Variants in CA12 observed in about 807,000 individuals in gnomAD.
CA12 encodes carbonate dehydratase XII.
A neutral mutation model predicts 46.8 loss-of-function variants in CA12; 36 were observed. That is an observed-to-expected ratio of 0.77 (90% CI 0.59 to 1.02). The LOEUF (loss-of-function observed/expected upper bound fraction) is 1.02, where lower values mean the gene tolerates loss of function less well. Ranked by LOEUF, CA12 falls within the 50% of genes least tolerant of loss-of-function variation. CA12 has a pLI of 0.00. For synonymous variants in CA12, 202 were observed against 187.0 expected (o/e 1.08, Z -0.65); for missense variants, 436 against 451.4 (o/e 0.97, Z 0.31).
Position 63,341,469 on chromosome 15 carries a change from C to T in CA12, c.525+533G>A, listed in dbSNP as rs1350876096. Among the ~76,000 whole-genome samples, 4 of 152,348 alleles carry T rather than the reference C, an allele frequency of 2.6e-5. No homozygotes were observed. The highest frequency in any genetic ancestry group is 1.3e-4 in the Admixed American group (2 of 15,306). Reference sequence around the variant, plus strand: ...AGGGATCTAGGCTGTGTATTCCTTACGGAATCTAACTAATGCTTGATGATC... The same window carrying T: ...AGGGATCTAGGCTGTGTATTCCTTATGGAATCTAACTAATGCTTGATGATC... On this transcript the variant is annotated intron_variant, in intron 5 of 10. Transcript: ENST00000178638. This position sits in a 1 kb window ranked among gnomAD's most constrained non-coding sequence, Gnocchi z 5.2.
intron 4 of CA12, among the ~76,000 whole-genome samples, chr15:63,343,042 C>T (rs2039101703): frequency 6.6e-6 from 1 of 152,138 alleles, no homozygotes. Flanking sequence ...TCACCATCTT[C>T]CCCTCAAAGG....
At chr15:63,363,666 T>G (rs543896244) in intron 2 of CA12, among the ~76,000 whole-genome samples, 11 of 152,368 alleles carry the variant, frequency 7.2e-5, no homozygotes, top group Non-Finnish European at 1.5e-4. Flanking sequence ...AATCAGCCTT[T>G]GCAGGAAAGC....
intron 4 of CA12, 56 bp from the exon 5 acceptor site, chr15:63,342,153 G>A (rs1263379618): frequency 1.2e-5 from 14 of 1,161,254 alleles, no homozygotes; most frequent in Non-Finnish European, 1.8e-5. Context: ...GGAGCCTGTC[G>A]CTTCTGCAGA....
At chr15:63,335,984 A>AGGGAG (rs1465518226) in intron 8 of CA12, among the ~76,000 whole-genome samples, 7 of 151,586 alleles carry the variant, frequency 4.6e-5, no homozygotes, top group Non-Finnish European at 5.9e-5. Context: ...GGGAAGTGAA[A>AGGGAG]GGGAGGGGAG....
chr15:63,341,870 C>G lies in CA12; in HGVS notation c.525+132G>C, dbSNP rs1055929962. ...GAAGGTGCACTACAGGAGGATACCC[C>G]CTGCTCTGGAGTTGACACGGAGTCG... is the stretch of plus-strand genomic sequence containing the variant. On this transcript the variant is annotated intron_variant, in intron 5 of 10. Coordinates refer to ENST00000178638, the MANE Select transcript of CA12 (RefSeq NM_001218.5). This position sits in a 1 kb window ranked among gnomAD's most constrained non-coding sequence, Gnocchi z 5.2. 16 of 714,320 alleles carry G rather than the reference C, an allele frequency of 2.2e-5. No homozygotes were observed. The highest frequency in any genetic ancestry group is 1.3e-5 in the Non-Finnish European group (5 of 393,102). 44.2% of individuals were successfully genotyped at this position (714,320 alleles called of 1,614,324 possible). A position where few individuals can be genotyped will look rare whatever the true frequency, so the allele number is the denominator to read the frequency against.
chr15:63,348,588 GC>G lies in CA12; in HGVS notation c.107-1880del, dbSNP rs1215015392. On this transcript the variant is annotated intron_variant, in intron 2 of 10. Coordinates refer to ENST00000178638, the MANE Select transcript of CA12 (RefSeq NM_001218.5). The surrounding 1 kb of genome is among the most constrained non-coding windows in gnomAD (Gnocchi z 4.6). ...GCCCACAGCCAGCAGGGCGGAAGCT[GC>G]CAGCCAGGCATGAATGCAAAAAACT... is the stretch of plus-strand genomic sequence containing the variant. Among the ~76,000 whole-genome samples, 1 of 152,236 alleles carries G rather than the reference GC, an allele frequency of 6.6e-6. No individual in the cohort carries two copies. The highest frequency in any genetic ancestry group is 1.5e-5 in the Non-Finnish European group (1 of 68,042).
chr15:63,322,331 T>G lies in CA12; in HGVS notation c.*3954A>C, dbSNP rs1280236359. The G allele has an allele frequency of 6.6e-6, 1 of 152,014 alleles. No homozygotes were observed. The highest frequency in any genetic ancestry group is 2.4e-5 in the African/African-American group (1 of 41,404). 9.4% of individuals were successfully genotyped at this position (152,014 alleles called of 1,614,324 possible). ...GAAAAAAACACATGAAAATACTGGT[T>G]ACATGTGGAAATGATAGTATTTTAG... is the stretch of plus-strand genomic sequence containing the variant. On this transcript the variant is annotated 3_prime_UTR_variant, in exon 11 of 11. Coordinates refer to ENST00000178638, the MANE Select transcript of CA12 (RefSeq NM_001218.5). This position sits in a 1 kb window ranked among gnomAD's most constrained non-coding sequence, Gnocchi z 4.1.
chr15:63,340,138 C>T lies in CA12; in HGVS notation c.747+150G>A, dbSNP rs868558163. 54 of 887,806 alleles carry T rather than the reference C, an allele frequency of 6.1e-5. No homozygotes were observed. The highest frequency in any genetic ancestry group is 2.6e-4 in the South Asian group (18 of 68,056). The allele number at this position is 887,806 out of a possible 1,614,324, so 55.0% of individuals were successfully genotyped here. A position where few individuals can be genotyped will look rare whatever the true frequency, so the allele number is the denominator to read the frequency against. ...TTTGAAGCTCAGCCTGGAATTTCTGCGGTGCTTTCAGACACCTGTGATATT... is the reference window on the plus strand; with the variant it reads ...TTTGAAGCTCAGCCTGGAATTTCTGTGGTGCTTTCAGACACCTGTGATATT... On this transcript the variant is annotated intron_variant, in intron 7 of 10. Coordinates refer to ENST00000178638, the MANE Select transcript of CA12 (RefSeq NM_001218.5). This position sits in a 1 kb window ranked among gnomAD's most constrained non-coding sequence, Gnocchi z 4.4.
intron 2 of CA12, among the ~76,000 whole-genome samples, chr15:63,362,464 G>A (rs1208454412): frequency 6.6e-6 from 1 of 152,194 alleles, no homozygotes; most frequent in East Asian, 1.9e-4. Flanking sequence ...CAGTAGCAAC[G>A]GCTATGAGGT....
At chr15:63,375,517 T>TA in intron 2 of CA12, 141 bp downstream of exon 2, 1 of 643,402 alleles carries the variant, frequency 1.6e-6, no homozygotes, top group South Asian at 1.9e-5. Context: ...GATGCCTTTG[T>TA]ACTCTCTTTC....
intron 1 of CA12, among the ~76,000 whole-genome samples, chr15:63,381,124 CAA>C (rs1359962668): frequency 6.6e-6 from 1 of 152,008 alleles, no homozygotes; most frequent in Non-Finnish European, 1.5e-5. Context: ...TGGAGAAAAA[CAA>C]TGATTAAGAA....
At chr15:63,369,044 G>A (rs1474956321) in intron 2 of CA12, among the ~76,000 whole-genome samples, 1 of 152,230 alleles carries the variant, frequency 6.6e-6, no homozygotes, top group Non-Finnish European at 1.5e-5. Flanking sequence ...TGGATGCCAG[G>A]AAAGCACCAG....
intron 2 of CA12, among the ~76,000 whole-genome samples, 193 bp from the exon 3 acceptor site, chr15:63,346,902 G>C (rs1033304826): frequency 1.3e-5 from 2 of 152,214 alleles, no homozygotes; most frequent in African/African-American, 4.8e-5. Context: ...GCTCTTAAGT[G>C]ATGTGGGGAA....
At position 63,341,251 on chromosome 15, in the gene CA12, CA is replaced by C. The variant is rs1342797319; in HGVS notation, c.526-469del. On this transcript the variant is annotated intron_variant, in intron 5 of 10. Transcript: ENST00000178638. This position sits in a 1 kb window ranked among gnomAD's most constrained non-coding sequence, Gnocchi z 5.2. ...TAAAAAAAGAATTCATTCCAGGGTA[CA>C]TATAGAGCAGGGGTGCCCAGCCCCC... Among the ~76,000 whole-genome samples the C allele has an allele frequency of 6.6e-6, 1 of 152,174 alleles. No individual in the cohort carries two copies. The highest frequency in any genetic ancestry group is 1.5e-5 in the Non-Finnish European group (1 of 68,038).
intron 2 of CA12, among the ~76,000 whole-genome samples, chr15:63,367,937 TAACTGC>T (rs1159183039): frequency 6.6e-6 from 1 of 152,250 alleles, no homozygotes; most frequent in Non-Finnish European, 1.5e-5. Context: ...AACTGTGAAT[TAACTGC>T]AAGTTGGAAA....
At chr15:63,379,133 G>C (rs997031424) in intron 1 of CA12, 4 of 152,232 alleles carry the variant, frequency 2.6e-5, no homozygotes, top group Admixed American at 2.0e-4. Flanking sequence ...GGGACTTGTT[G>C]AAAGGCAGCA....
intron 1 of CA12, among the ~76,000 whole-genome samples, chr15:63,379,921 T>G (rs2039623336): frequency 6.6e-6 from 1 of 152,202 alleles, no homozygotes. Context: ...TTATGCTCCC[T>G]CCTGGGCCCC....
At chr15:63,375,476 G>A in intron 2 of CA12, 182 bp downstream of exon 2, 2 of 563,808 alleles carry the variant, frequency 3.5e-6, no homozygotes, top group Non-Finnish European at 6.5e-6. Context: ...AGAAAGTGCA[G>A]TATGCAACCC....
chr15:63,358,525 G>C (rs894450637), intron 2 of CA12, among the ~76,000 whole-genome samples: 10 of 152,148 alleles, frequency 6.6e-5, no homozygotes, highest in African/African-American at 2.4e-4. Context: ...TGGTACAGCT[G>C]TCTCCCCTGG....
Sources: gnomAD v4.1 joint callset for allele counts (sites outside exome capture counted in the v4.1 genomes callset) on GRCh38, gnomAD v4.1.1 for gene constraint, Gnocchi (gnomAD v3.1) non-coding constraint, MANE v1.5 for transcripts, NCBI Gene and HGNC (gene_info 2026-07-23, HGNC 2026-07-21) for gene names.